CD109: variants seen among roughly 807,000 people sequenced by gnomAD.
The protein encoded by CD109 is CD109 molecule.
CD109 carries 149 observed loss-of-function variants against 165.8 expected under a neutral mutation model. That is an observed-to-expected ratio of 0.90 (90% confidence interval 0.79 to 1.03). The LOEUF is 1.03. Among genes scored for constraint, CD109 ranks in the 50% least tolerant of loss-of-function variants. The pLI, the probability that CD109 is intolerant of heterozygous loss-of-function variation, is 0.00. For missense variants in CD109, 1,712 were observed against 1,677.8 expected (o/e 1.02, Z -0.36); for synonymous variants, 585 against 592.1 (o/e 0.99, Z 0.18).
At position 73,787,225 on chromosome 6, in the gene CD109, T is replaced by G; in HGVS notation, c.2338-9T>G. The G allele has an allele frequency of 6.4e-7, 1 of 1,564,190 alleles. No individual in the cohort carries two copies. Among genetic ancestry groups the G allele is most frequent in the Non-Finnish European group, 8.8e-7 (1 of 1,137,846 alleles). On this transcript the variant is annotated splice_polypyrimidine_tract_variant and intron_variant, in intron 20 of 32. Transcript: ENST00000287097. ...TATACAAAAGCTTTGATTTATTTTTTTCTTTCAGGTTAAGGTAATCATTGA... is the reference window on the plus strand; with the variant it reads ...TATACAAAAGCTTTGATTTATTTTTGTCTTTCAGGTTAAGGTAATCATTGA...
At chr6:73,702,325 T>G (rs9352023) in intron 2 of CD109, among the ~76,000 whole-genome samples, 21,121 of 152,136 alleles carry the variant, frequency 0.14, 1,968 homozygotes, top group East Asian at 0.32. Flanking sequence ...AATCATCCAA[T>G]TTGGTTTGGA....
intron 5 of CD109, among the ~76,000 whole-genome samples, chr6:73,744,846 T>C (rs1371191711): frequency 6.6e-6 from 1 of 152,196 alleles, no homozygotes. Flanking sequence ...TTTAGGATGT[T>C]GTGTTCATCA....
At chr6:73,696,313 G>A (rs1770833330) in intron 1 of CD109, 24 bp downstream of exon 1, 2 of 1,384,806 alleles carry the variant, frequency 1.4e-6, no homozygotes, top group Non-Finnish European at 1.9e-6. Flanking sequence ...CGCGCGGGGG[G>A]CGCGCGGGCG....
In CD109 at chr6:73,823,502, T is replaced by A; in HGVS notation, c.4207T>A (p.Ser1403Thr). ...TTACAACTCTGAAGTGAAGCTGTCC[T>A]CCTGTGACCTTTGCAGTGATGTCCA... Reference protein sequence around the residue: ...RSYNSEVKLSSCDLCSDVQGC... With the variant: ...RSYNSEVKLSTCDLCSDVQGC... The change falls in exon 33 of 33, where the codon TCC (serine) becomes ACC (threonine). Residue 1403 changes from serine to threonine, a missense_variant. Physicochemically the swap from Ser to Thr is moderately conservative, Grantham distance 58. Coordinates refer to ENST00000287097, the MANE Select transcript of CD109 (RefSeq NM_133493.5). The A allele has an allele frequency of 6.2e-7, 1 of 1,613,658 alleles. No homozygotes were observed. Among genetic ancestry groups the A allele is most frequent in the South Asian group, 1.1e-5 (1 of 91,014 alleles).
intron 23 of CD109, among the ~76,000 whole-genome samples, chr6:73,801,575 A>G (rs1393883708): frequency 1.3e-5 from 2 of 152,292 alleles, no homozygotes; most frequent in Admixed American, 1.3e-4. Flanking sequence ...TTTTATTGTA[A>G]CTTAAATCAG....
At chr6:73,805,130 C>T (rs867365910) in intron 24 of CD109, among the ~76,000 whole-genome samples, 20 of 152,162 alleles carry the variant, frequency 1.3e-4, no homozygotes, top group Non-Finnish European at 2.9e-5. Context: ...TACCATTTGA[C>T]CCAGCTGTGG....
chr6:73,803,241 A>T lies in CD109; in HGVS notation c.2900A>T (p.Tyr967Phe). The change falls in exon 24 of 33, where the codon TAT becomes TTT. Residue 967 changes from tyrosine (Y) to phenylalanine (F), a missense_variant. Transcript: ENST00000287097. ...MRQGYQRELL[Y>F]QREDGSFSAF... ...CTAGGTTACCAGAGAGAACTTCTCT[A>T]TCAGAGGGAAGATGGCTCTTTCAGT... 1 of 1,611,032 alleles carries T rather than the reference A, an allele frequency of 6.2e-7. No homozygotes were observed. The highest frequency in any genetic ancestry group is 1.1e-5 in the South Asian group (1 of 90,408).
At chr6:73,791,284 AACT>A (rs1774956933) in intron 22 of CD109, among the ~76,000 whole-genome samples, 1 of 130,558 alleles carries the variant, frequency 7.7e-6, no homozygotes, top group Non-Finnish European at 1.6e-5. Context: ...GAACTTCTTG[AACT>A]TCTGAGCTCA....
chr6:73,745,686 C>T (rs1488966975), intron 5 of CD109, among the ~76,000 whole-genome samples: 2 of 152,180 alleles, frequency 1.3e-5, no homozygotes, highest in East Asian at 3.9e-4. Context: ...TGTCACCTCA[C>T]AGCCTCTATA....
rs373124074 is a variant in CD109 at position 73,725,219 on chromosome 6, C to T, written c.276+1940C>T. Among the ~76,000 whole-genome samples the T allele has an allele frequency of 5.3e-5, 8 of 151,508 alleles. No individual in the cohort carries two copies. In the East Asian group the frequency reaches 7.8e-4, roughly 15 times the overall value. On this transcript the variant is annotated intron_variant, in intron 3 of 32. Transcript: ENST00000287097. ...TTAGATACTGGCCCCAGTGCCTGGG[C>T]GCAGAACTTTGTTGAAAGGGTATTC...
rs749622065 is a variant in CD109 at position 73,736,335 on chromosome 6, T to A, written c.508-48T>A. The A allele has an allele frequency of 2.5e-6, 4 of 1,602,004 alleles. No individual in the cohort carries two copies. In the African/African-American group the frequency reaches 4.0e-5, roughly 16 times the overall value. On this transcript the variant is annotated intron_variant, in intron 4 of 32. Transcript: ENST00000287097. Reference sequence around the variant, plus strand: ...TATTCCTAACCTGATAGGATACACATGCACATGGGCAGCCTCTACATACTT... The same window carrying A: ...TATTCCTAACCTGATAGGATACACAAGCACATGGGCAGCCTCTACATACTT...
chr6:73,691,165 C>A (rs1426629412), upstream of CD109, among the ~76,000 whole-genome samples: 1 of 152,178 alleles, frequency 6.6e-6, no homozygotes, highest in African/African-American at 2.4e-5. Flanking sequence ...TTTTCCCCAT[C>A]ATTTTTCTAA....
chr6:73,762,708 T>G, intron 8 of CD109, 33 bp from the exon 9 acceptor site: 1 of 1,538,756 alleles, frequency 6.5e-7, no homozygotes, highest in Middle Eastern at 1.9e-4. Context: ...ATTGCTAAAA[T>G]GGTAAATAAT....
the CD109 span, among the ~76,000 whole-genome samples, chr6:73,687,365 CTTCCTCTTTCTTTCT>C: frequency 1.3e-5 from 2 of 151,052 alleles, no homozygotes; most frequent in African/African-American, 4.9e-5. Flanking sequence ...TCTTTCTTTC[CTTCCTCTTTCTTTCT>C]CTTTCTCCTC....
Position 73,762,474 on chromosome 6 carries a change from A to G in CD109, c.849A>G (p.Thr283=). ...GAAAGAAGAAAAATATTACAAAAAC[A>G]TTTAAGGTAACTTTTGCAGACACTT... is the stretch of plus-strand genomic sequence containing the variant. ...FWGKKKNITK[T]FKINGSANFS... Residue 283 remains threonine (T), a synonymous_variant, in exon 8 of 33, where the codon ACA becomes ACG. Coordinates refer to ENST00000287097, the MANE Select transcript of CD109 (RefSeq NM_133493.5). 7 of 1,587,030 alleles carry G rather than the reference A, an allele frequency of 4.4e-6. No homozygotes were observed. Among genetic ancestry groups the G allele is most frequent in the Non-Finnish European group, 6.1e-6 (7 of 1,156,386 alleles).
At chr6:73,802,766 C>T (rs1246009253) in intron 23 of CD109, among the ~76,000 whole-genome samples, 5 of 144,888 alleles carry the variant, frequency 3.5e-5, no homozygotes, top group African/African-American at 1.3e-4. Flanking sequence ...TGACGCAAAT[C>T]TCGGCTCACT....
intron 5 of CD109, among the ~76,000 whole-genome samples, chr6:73,751,613 C>G (rs1013280776): frequency 6.6e-6 from 1 of 152,160 alleles, no homozygotes; most frequent in African/African-American, 2.4e-5. Flanking sequence ...CCACTGCCAG[C>G]ACAAATATTA....
At chr6:73,745,776 T>G (rs1772961697) in intron 5 of CD109, among the ~76,000 whole-genome samples, 1 of 152,244 alleles carries the variant, frequency 6.6e-6, no homozygotes, top group African/African-American at 2.4e-5. Context: ...TCACCCAGGC[T>G]GGAGTGCAGT....
Position 73,818,479 on chromosome 6 carries a change from G to T in CD109, c.4003G>T (p.Glu1335Ter). ...MVPSEAISLSETVKKVEYDHG... is the reference protein window; with the variant it reads ...MVPSEAISLS ...GCCTTCAGAAGCAATTTCTCTGAGC[G>T]AGACAGTGAAGAAAGTGGAATATGA... Residue 1335 changes from glutamate (E) to a stop codon, truncating the protein, a stop_gained, in exon 31 of 33, where the codon GAG becomes TAG. Transcript: ENST00000287097. LOFTEE classifies it high-confidence loss of function. The T allele has an allele frequency of 5.6e-6, 9 of 1,613,462 alleles. No homozygotes were observed. Among genetic ancestry groups the T allele is most frequent in the Non-Finnish European group, 7.6e-6 (9 of 1,179,860 alleles).
Sources: allele counts gnomAD v4.1 joint callset (sites outside exome capture counted in the v4.1 genomes callset), GRCh38; gene constraint gnomAD v4.1.1; transcripts MANE v1.5; gene names NCBI Gene and HGNC (gene_info 2026-07-23, HGNC 2026-07-21).